Variants in SPOCK3 observed in about 807,000 individuals in gnomAD.
SPOCK3 encodes the protein SPARC (osteonectin), cwcv and kazal like domains proteoglycan 3.
Under a neutral mutation model 56.6 loss-of-function variants are expected in SPOCK3, and 30 were observed. That is an observed-to-expected ratio of 0.53 (90% CI 0.40 to 0.72). The LOEUF (loss-of-function observed/expected upper bound fraction) is 0.72, where lower values mean the gene tolerates loss of function less well. Ranked by LOEUF, SPOCK3 falls within the 30% of genes least tolerant of loss-of-function variation. The pLI, the probability that SPOCK3 is intolerant of heterozygous loss-of-function variation, is 0.00. For missense variants in SPOCK3, 527 were observed against 530.0 expected (o/e 0.99, Z 0.06); for synonymous variants, 196 against 183.3 (o/e 1.07, Z -0.56).
At chr4:167,001,357 C>T (rs1193991431) in intron 3 of SPOCK3, among the ~76,000 whole-genome samples, 2 of 152,142 alleles carry the variant, frequency 1.3e-5, no homozygotes, top group Non-Finnish European at 2.9e-5. Flanking sequence ...CTATTCTGGA[C>T]ATTTTATATA....
chr4:166,954,417 C>T (rs972432790), intron 4 of SPOCK3, among the ~76,000 whole-genome samples: 1 of 151,888 alleles, frequency 6.6e-6, no homozygotes, highest in South Asian at 2.1e-4. Context: ...GATTTTTTTT[C>T]TAGTAGTTTC....
chr4:167,217,480 G>A (rs1250344637), intron 2 of SPOCK3, among the ~76,000 whole-genome samples: 1 of 152,036 alleles, frequency 6.6e-6, no homozygotes, highest in African/African-American at 2.4e-5. Context: ...ATTGGAGAAT[G>A]AGTGTAGGTT....
chr4:166,923,264 G>A (rs906811347), intron 4 of SPOCK3, among the ~76,000 whole-genome samples: 11 of 152,210 alleles, frequency 7.2e-5, no homozygotes, highest in South Asian at 4.2e-4. Flanking sequence ...TTACATTTAG[G>A]TCTCACCCTG....
chr4:166,740,397 GAATTT>G (rs1343575094), intron 9 of SPOCK3, among the ~76,000 whole-genome samples: 2 of 151,466 alleles, frequency 1.3e-5, no homozygotes, highest in Non-Finnish European at 2.9e-5. Flanking sequence ...GCTACTAATA[GAATTT>G]AAGTAGAAAA....
chr4:166,969,513 A>ATTAAATGTGT (rs112488265), intron 4 of SPOCK3, among the ~76,000 whole-genome samples: 37,571 of 132,074 alleles, frequency 0.28, 5,012 homozygotes, highest in African/African-American at 0.42. Context: ...CTTTTAACAC[A>ATTAAATGTGT]TTAAATGTGT....
At chr4:167,099,478 G>T (rs1034191494) in intron 2 of SPOCK3, among the ~76,000 whole-genome samples, 2 of 151,854 alleles carry the variant, frequency 1.3e-5, no homozygotes, top group Non-Finnish European at 2.9e-5. Context: ...TCAGAGGTAC[G>T]TGAAATTTAA....
rs1743358922 is a variant in SPOCK3 at position 166,955,633 on chromosome 4, T to C, written c.351-42890A>G. ...TAGATTAAATTTAATATAATTTAAT[T>C]ATATTAAATTTAATTATAATATAAA... On this transcript the variant is annotated intron_variant, in intron 4 of 10. Coordinates refer to ENST00000357545, the MANE Select transcript of SPOCK3 (RefSeq NM_001040159.2). Among the ~76,000 whole-genome samples, 3 of 146,344 alleles carry C rather than the reference T, an allele frequency of 2.0e-5. No homozygotes were observed. The South Asian group carries it at 6.3e-4, about 31-fold the overall frequency.
chr4:167,182,158 G>A (rs1308953879), intron 2 of SPOCK3, among the ~76,000 whole-genome samples: 1 of 152,064 alleles, frequency 6.6e-6, no homozygotes, highest in Non-Finnish European at 1.5e-5. Flanking sequence ...CAAAATATTA[G>A]AGAATGCATA....
chr4:166,905,857 A>C (rs1448289465), intron 5 of SPOCK3, among the ~76,000 whole-genome samples: 1 of 152,008 alleles, frequency 6.6e-6, no homozygotes, highest in South Asian at 2.1e-4. Flanking sequence ...ACTGAATTAA[A>C]ATTAAATTTA....
At chr4:166,903,510 C>T (rs535370884) in intron 5 of SPOCK3, among the ~76,000 whole-genome samples, 60 of 152,012 alleles carry the variant, frequency 3.9e-4, no homozygotes, top group African/African-American at 1.4e-3. Context: ...CAAATATTTC[C>T]CGCTTTCTTT....
intron 9 of SPOCK3, among the ~76,000 whole-genome samples, chr4:166,739,671 C>T (rs1484853849): frequency 2.0e-5 from 3 of 149,510 alleles, no homozygotes; most frequent in Admixed American, 6.7e-5. Flanking sequence ...ATATAAGTTC[C>T]AGGAGATAAG....
intron 3 of SPOCK3, among the ~76,000 whole-genome samples, chr4:167,037,776 G>C (rs890229891): frequency 2.6e-5 from 4 of 152,076 alleles, no homozygotes; most frequent in Non-Finnish European, 5.9e-5. Context: ...AGGAAAATCT[G>C]GTTCATACCA....
intron 5 of SPOCK3, among the ~76,000 whole-genome samples, chr4:166,905,365 A>C (rs1317629536): frequency 6.6e-6 from 1 of 151,988 alleles, no homozygotes; most frequent in Non-Finnish European, 1.5e-5. Context: ...TAAGATATAA[A>C]AGTTAACATG....
chr4:167,004,158 T>C (rs1030645695), intron 3 of SPOCK3, among the ~76,000 whole-genome samples: 19 of 152,220 alleles, frequency 1.2e-4, no homozygotes, highest in African/African-American at 4.1e-4. Context: ...TTAGAATACA[T>C]TGTTAAGTGG....
intron 2 of SPOCK3, among the ~76,000 whole-genome samples, chr4:167,131,982 A>G (rs775162162): frequency 2.0e-5 from 3 of 152,208 alleles, no homozygotes; most frequent in Admixed American, 6.5e-5. Flanking sequence ...AGGTATTTAT[A>G]TTTGAATGTT....
intron 2 of SPOCK3, among the ~76,000 whole-genome samples, chr4:167,203,301 T>G (rs1733698883): frequency 6.6e-6 from 1 of 151,978 alleles, no homozygotes. Flanking sequence ...ATAAACTTTC[T>G]AGGGATTTTT....
At chr4:166,815,112 T>G (rs952683644) in intron 6 of SPOCK3, among the ~76,000 whole-genome samples, 5 of 152,118 alleles carry the variant, frequency 3.3e-5, no homozygotes, top group African/African-American at 4.8e-5. Flanking sequence ...TTAAAATGAC[T>G]GTTAGAATGA....
chr4:166,860,549 T>A (rs1731120607), intron 6 of SPOCK3, among the ~76,000 whole-genome samples: 1 of 151,794 alleles, frequency 6.6e-6, no homozygotes, highest in South Asian at 2.1e-4. Context: ...TTAAATTGTG[T>A]AAAATCAATG....
intron 2 of SPOCK3, among the ~76,000 whole-genome samples, chr4:167,166,474 C>T (rs1329432596): frequency 6.6e-6 from 1 of 152,054 alleles, no homozygotes; most frequent in Non-Finnish European, 1.5e-5. Context: ...TACAATCTAT[C>T]TCTCAAGAGC....
Sources: gnomAD v4.1 joint callset for allele counts (sites outside exome capture counted in the v4.1 genomes callset) on GRCh38, gnomAD v4.1.1 for gene constraint, MANE v1.5 for transcripts, NCBI Gene and HGNC (gene_info 2026-07-23, HGNC 2026-07-21) for gene names.